The following ARAP2 variants were observed in gnomAD, a reference collection of about 807,000 sequenced individuals.
ARAP2 encodes arf-GAP with Rho-GAP domain, ANK repeat and PH domain-containing protein 2.
A neutral mutation model predicts 194.5 loss-of-function variants in ARAP2; 148 were observed. The ratio of observed to expected loss-of-function variants is 0.76; its 90% CI spans 0.67 to 0.87. The LOEUF (loss-of-function observed/expected upper bound fraction) is 0.87. ARAP2 is among the 40% of genes least tolerant of loss of function. The pLI is 0.00. For missense variants in ARAP2, 2,128 were observed against 1,989.7 expected (o/e 1.07, Z -1.32); for synonymous variants, 695 against 683.5 (o/e 1.02, Z -0.26).
At chr4:36,134,895 C>T (rs1726302472) in intron 19 of ARAP2, among the ~76,000 whole-genome samples, 1 of 151,650 alleles carries the variant, frequency 6.6e-6, no homozygotes, top group Non-Finnish European at 1.5e-5. Flanking sequence ...GTCACAGATA[C>T]TCCTTCTCAA....
intron 1 of ARAP2, among the ~76,000 whole-genome samples, chr4:36,241,772 C>A (rs769453375): frequency 2.6e-5 from 4 of 152,164 alleles, no homozygotes; most frequent in Non-Finnish European, 5.9e-5. Context: ...CTAATTTCCA[C>A]ATGGTTTTAT....
chr4:36,146,196 G>C (rs1427864923), intron 19 of ARAP2, among the ~76,000 whole-genome samples: 3 of 151,762 alleles, frequency 2.0e-5, no homozygotes, highest in Admixed American at 1.3e-4. Context: ...CTAACTTCAC[G>C]AAACATCCAC....
chr4:36,223,074 G>T (rs1052792521), intron 2 of ARAP2, among the ~76,000 whole-genome samples: 2 of 151,926 alleles, frequency 1.3e-5, no homozygotes, highest in Admixed American at 6.6e-5. Context: ...ACATATCCAG[G>T]TAATATACGT....
chr4:36,062,267 G>T (rs766565481), downstream of ARAP2, among the ~76,000 whole-genome samples: 5 of 152,182 alleles, frequency 3.3e-5, no homozygotes, highest in African/African-American at 4.8e-5. Flanking sequence ...TGTTGCTGCT[G>T]CTAGGGGGTT....
At chr4:36,222,319 A>T (rs996542630) in intron 2 of ARAP2, among the ~76,000 whole-genome samples, 2 of 152,134 alleles carry the variant, frequency 1.3e-5, no homozygotes, top group Admixed American at 6.6e-5. Flanking sequence ...ACAGAAAAAA[A>T]TTGTTGGTCC....
At chr4:36,208,744 C>T (rs547224407) in intron 6 of ARAP2, among the ~76,000 whole-genome samples, 3 of 151,746 alleles carry the variant, frequency 2.0e-5, no homozygotes, top group Middle Eastern at 3.4e-3. Flanking sequence ...AATATAATCA[C>T]GTAGAAGTGT....
At chr4:36,231,641 C>T (rs1033034778) in intron 1 of ARAP2, among the ~76,000 whole-genome samples, 1 of 152,146 alleles carries the variant, frequency 6.6e-6, no homozygotes, top group Admixed American at 6.5e-5. Flanking sequence ...CATAGTCTTG[C>T]TTACCCCTGT....
At chr4:36,191,122 T>G (rs559266239) in intron 7 of ARAP2, among the ~76,000 whole-genome samples, 92 of 152,260 alleles carry the variant, frequency 6.0e-4, no homozygotes, top group African/African-American at 2.1e-3. Context: ...CTAAAAACAT[T>G]TACAGTTTAT....
intron 27 of ARAP2, among the ~76,000 whole-genome samples, chr4:36,099,545 C>G (rs1344091218): frequency 6.6e-6 from 1 of 152,076 alleles, no homozygotes; most frequent in Admixed American, 6.6e-5. Context: ...CTCCTCTGAG[C>G]CTTCCCTGGT....
chr4:36,179,865 C>T (rs1205055517), intron 8 of ARAP2, among the ~76,000 whole-genome samples: 3 of 152,122 alleles, frequency 2.0e-5, no homozygotes, highest in South Asian at 2.1e-4. Flanking sequence ...TTCTTGTTCG[C>T]CTTCAAAACT....
intron 5 of ARAP2, 82 bp downstream of exon 5, chr4:36,212,313 CA>C: frequency 2.6e-6 from 3 of 1,174,550 alleles, no homozygotes; most frequent in Non-Finnish European, 3.6e-6. Context: ...CTCTGACACA[CA>C]ATATTATACT....
Position 36,193,602 on chromosome 4 carries a change from G to A in ARAP2, c.1533C>T (p.Ser511=), listed in dbSNP as rs960149311. 21 of 1,596,230 alleles carry A rather than the reference G, an allele frequency of 1.3e-5. No homozygotes were observed. Among genetic ancestry groups the A allele is most frequent in the Non-Finnish European group, 1.7e-5 (20 of 1,172,166 alleles). The change falls in exon 7 of 33, where the codon AGC becomes AGT. Residue 511 remains serine (S), a synonymous_variant. Coordinates refer to ENST00000303965, the MANE Select transcript of ARAP2 (RefSeq NM_015230.4). ...QKRWVKFDGL[S]ISYYNNEKEM... is the part of the protein sequence containing the mutation. The stretch of plus-strand genomic sequence containing the variant: ...CCTTCTCATTATTGTAGTAAGAAAT[G>A]CTAAGGCCATCAAATTTCACCCATC...
At chr4:36,064,020 T>A (rs973765556), downstream of ARAP2, among the ~76,000 whole-genome samples, 2 of 152,192 alleles carry the variant, frequency 1.3e-5, no homozygotes, top group Non-Finnish European at 2.9e-5. Flanking sequence ...TAAGTCATAT[T>A]TTTGCTTCAA....
intron 27 of ARAP2, among the ~76,000 whole-genome samples, chr4:36,105,488 T>C (rs944234382): frequency 4.6e-5 from 7 of 152,018 alleles, no homozygotes; most frequent in African/African-American, 1.7e-4. Context: ...TTGATGCTTT[T>C]ATAACAGAAG....
intron 21 of ARAP2, among the ~76,000 whole-genome samples, chr4:36,126,954 C>T (rs368528602): frequency 1.3e-5 from 2 of 152,174 alleles, no homozygotes; most frequent in African/African-American, 2.4e-5. Context: ...CCTCCCACCT[C>T]AGTCTTCAGA....
At chr4:36,137,207 G>A (rs1727061685) in intron 19 of ARAP2, among the ~76,000 whole-genome samples, 1 of 151,834 alleles carries the variant, frequency 6.6e-6, no homozygotes, top group Admixed American at 6.6e-5. Flanking sequence ...CACAATATCT[G>A]TTTCTTTCAA....
At chr4:36,009,553 T>C (rs1367457332) in intron 9 of ARAP2, among the ~76,000 whole-genome samples, 1 of 152,052 alleles carries the variant, frequency 6.6e-6, no homozygotes, top group Non-Finnish European at 1.5e-5. Flanking sequence ...TTGGATACTA[T>C]GTTCACTACC....
intron 29 of ARAP2, 131 bp downstream of exon 29, chr4:36,083,237 A>C: frequency 1.5e-6 from 1 of 674,968 alleles, no homozygotes; most frequent in South Asian, 1.7e-5. Context: ...TGACAGGGGA[A>C]GCAACTTAAA....
At chr4:36,128,483 C>CACACAA in intron 21 of ARAP2, 50 bp downstream of exon 21, 1 of 1,362,236 alleles carries the variant, frequency 7.3e-7, no homozygotes, top group Non-Finnish European at 1.0e-6. Flanking sequence ...ATTATACACA[C>CACACAA]ACACACACAC....
Sources: allele counts gnomAD v4.1 joint callset (sites outside exome capture counted in the v4.1 genomes callset), GRCh38; gene constraint gnomAD v4.1.1; transcripts MANE v1.5; gene names NCBI Gene and HGNC (gene_info 2026-07-23, HGNC 2026-07-21).